AGPAT5: variants seen among roughly 807,000 people sequenced by gnomAD.
AGPAT5 encodes the protein 1-acylglycerol-3-phosphate O-acyltransferase 5.
Under a neutral mutation model 45.6 loss-of-function variants are expected in AGPAT5, and 46 were observed. The ratio of observed to expected loss-of-function variants is 1.01; its 90% CI spans 0.80 to 1.29. The LOEUF (loss-of-function observed/expected upper bound fraction) is 1.29, where lower values mean the gene tolerates loss of function less well. Among genes scored for constraint, AGPAT5 ranks in the 50% most tolerant of loss-of-function variants. The pLI, the probability that AGPAT5 is intolerant of heterozygous loss-of-function variation, is 0.00. For synonymous variants in AGPAT5, 272 were observed against 167.0 expected (o/e 1.63, Z -4.85); for missense variants, 673 against 450.7 (o/e 1.49, Z -4.47).
At chr8:6,752,909 C>T (rs1160845549) in intron 6 of AGPAT5, among the ~76,000 whole-genome samples, 2 of 152,146 alleles carry the variant, frequency 1.3e-5, no homozygotes, top group Non-Finnish European at 2.9e-5. Context: ...TCCACTTTGT[C>T]GCATGCTCCT....
At chr8:6,751,947 G>C (rs1023540695) in intron 6 of AGPAT5, among the ~76,000 whole-genome samples, 1 of 152,208 alleles carries the variant, frequency 6.6e-6, no homozygotes, top group African/African-American at 2.4e-5. Flanking sequence ...GGGATGCTGA[G>C]GCGGGTGGAT....
chr8:6,714,749 G>A (rs1369060037), intron 1 of AGPAT5, among the ~76,000 whole-genome samples: 2 of 152,180 alleles, frequency 1.3e-5, no homozygotes, highest in East Asian at 1.9e-4. Context: ...ACTTCTTACA[G>A]ATCAGTTTTT....
Position 6,757,363 on chromosome 8 carries a change from G to T in AGPAT5, c.1070G>T (p.Cys357Phe). 6.2e-7 allele frequency: 1 copy of T among 1,614,164 alleles called. No homozygotes were observed. The highest frequency in any genetic ancestry group is 8.5e-7 in the Non-Finnish European group (1 of 1,179,988). Residue 357 changes from cysteine (C) to phenylalanine (F), a missense_variant, in exon 8 of 8, where the codon TGC (cysteine) becomes TTC (phenylalanine). Cys to Phe is a radical substitution (Grantham distance 205). Transcript: ENST00000285518. ...TGGATATATGGAACCCTACTTGGCT[G>T]CCTGTGGGTTACTATTAAAGCATAG... is the stretch of plus-strand genomic sequence containing the variant. ...NTWIYGTLLG[C>F]LWVTIKA is the part of the protein sequence containing the mutation.
intron 1 of AGPAT5, among the ~76,000 whole-genome samples, chr8:6,720,422 A>C (rs1800461421): frequency 6.6e-6 from 1 of 152,230 alleles, no homozygotes; most frequent in Admixed American, 6.5e-5. Flanking sequence ...AGTGCTTGTC[A>C]AGGGGCGTTA....
intron 1 of AGPAT5, among the ~76,000 whole-genome samples, chr8:6,714,757 T>C (rs1482042575): frequency 6.6e-6 from 1 of 152,196 alleles, no homozygotes; most frequent in Non-Finnish European, 1.5e-5. Flanking sequence ...CAGATCAGTT[T>C]TTTAGTACAG....
intron 6 of AGPAT5, among the ~76,000 whole-genome samples, chr8:6,749,862 A>G (rs1801601481): frequency 1.3e-5 from 2 of 152,368 alleles, no homozygotes; most frequent in African/African-American, 4.8e-5. Context: ...CCCTTGGTTC[A>G]GCAGAGCTCA....
chr8:6,753,791 G>C (rs993289856), intron 6 of AGPAT5, among the ~76,000 whole-genome samples: 1 of 152,196 alleles, frequency 6.6e-6, no homozygotes, highest in African/African-American at 2.4e-5. Flanking sequence ...CTTTATTTTA[G>C]TGTTTTGCAC....
At chr8:6,747,160 A>G (rs577590931) in intron 5 of AGPAT5, among the ~76,000 whole-genome samples, 1 of 152,236 alleles carries the variant, frequency 6.6e-6, no homozygotes, top group Non-Finnish European at 1.5e-5. Flanking sequence ...ACAAAATGTG[A>G]TCTGTTCACA....
intron 2 of AGPAT5, among the ~76,000 whole-genome samples, chr8:6,725,299 T>C (rs1834452): frequency 0.14 from 21,664 of 152,198 alleles, 1,766 homozygotes; most frequent in East Asian, 0.25. Context: ...CATTTTTGAT[T>C]GCTAAGCTGC....
chr8:6,733,757 T>C lies in AGPAT5; in HGVS notation c.495+1107T>C, dbSNP rs560853937. On this transcript the variant is annotated intron_variant, in intron 4 of 7. Transcript: ENST00000285518. ...ATGAATTTATACCTTAAAATGTCCA[T>C]CCCACTTCTCTCCCAGCTGTCCAGT... Among the ~76,000 whole-genome samples, 3 of 152,330 alleles carry C rather than the reference T, an allele frequency of 2.0e-5. No homozygotes were observed. In the East Asian group the frequency reaches 5.8e-4, roughly 29 times the overall value.
chr8:6,752,798 A>T (rs1431467889), intron 6 of AGPAT5, among the ~76,000 whole-genome samples: 1 of 152,210 alleles, frequency 6.6e-6, no homozygotes, highest in Non-Finnish European at 1.5e-5. Flanking sequence ...GCAAATGTGG[A>T]TATATAAGTA....
intron 1 of AGPAT5, chr8:6,709,510 A>G (rs1376173086): frequency 6.6e-6 from 1 of 152,216 alleles, no homozygotes; most frequent in Non-Finnish European, 1.5e-5. Flanking sequence ...AACTTGAGAA[A>G]CAAACCATAA....
intron 2 of AGPAT5, among the ~76,000 whole-genome samples, chr8:6,725,197 C>T (rs921679171): frequency 1.3e-5 from 2 of 152,024 alleles, no homozygotes; most frequent in Non-Finnish European, 2.9e-5. Flanking sequence ...TTTGTTTTTC[C>T]TTTGTGTAGC....
intron 4 of AGPAT5, among the ~76,000 whole-genome samples, chr8:6,739,392 C>A (rs1265816908): frequency 6.6e-6 from 1 of 152,020 alleles, no homozygotes; most frequent in Non-Finnish European, 1.5e-5. Context: ...ATTGATATAA[C>A]AGGATTGAAT....
At chr8:6,709,488 A>T (rs560343045) in intron 1 of AGPAT5, 62 of 152,128 alleles carry the variant, frequency 4.1e-4, no homozygotes, top group African/African-American at 1.5e-3. Context: ...TAGAGATTGG[A>T]TTCGTAGATT....
intron 5 of AGPAT5, chr8:6,745,998 C>G (rs1050408872): frequency 2.7e-5 from 4 of 149,250 alleles, no homozygotes; most frequent in African/African-American, 9.9e-5. Flanking sequence ...CTTTTCTTTC[C>G]CTCCCTCCCT....
Position 6,759,642 on chromosome 8 carries a change from A to T in AGPAT5, c.*2254A>T, listed in dbSNP as rs2116979629. 6.6e-6 allele frequency: 1 copy of T among 152,290 alleles called. No homozygotes were observed. The highest frequency in any genetic ancestry group is 1.9e-4 in the East Asian group (1 of 5,190). The allele number at this position is 152,290 out of a possible 1,614,324, so 9.4% of individuals were successfully genotyped here. ...GTGTTTGGATGAAAGTAAAAAAAAA[A>T]ATAAAATCTTTCACTGTCTCTAATG... On this transcript the variant is annotated 3_prime_UTR_variant, in exon 8 of 8. Coordinates refer to ENST00000285518, the MANE Select transcript of AGPAT5 (RefSeq NM_018361.5).
At chr8:6,747,947 G>T (rs1005749897) in intron 6 of AGPAT5, 119 bp downstream of exon 6, 1 of 1,029,036 alleles carries the variant, frequency 9.7e-7, no homozygotes, top group Non-Finnish European at 1.4e-6. Flanking sequence ...ACATTTACCC[G>T]GTATATTTTT....
chr8:6,737,710 G>T (rs979831782), intron 4 of AGPAT5, among the ~76,000 whole-genome samples: 1 of 152,198 alleles, frequency 6.6e-6, no homozygotes, highest in African/African-American at 2.4e-5. Flanking sequence ...GTGGATAAGA[G>T]TATTGGTTTT....
Sources: allele counts gnomAD v4.1 joint callset (sites outside exome capture counted in the v4.1 genomes callset), GRCh38; gene constraint gnomAD v4.1.1; transcripts MANE v1.5; gene names NCBI Gene and HGNC (gene_info 2026-07-23, HGNC 2026-07-21).